Variants in ZCCHC14 observed in about 807,000 individuals in gnomAD.
ZCCHC14 encodes zinc finger CCHC domain-containing protein 14.
A neutral mutation model predicts 85.0 loss-of-function variants in ZCCHC14; 16 were observed. That is an observed-to-expected ratio of 0.19 (90% CI 0.13 to 0.29). ZCCHC14 has a LOEUF of 0.29. Among genes scored for constraint, ZCCHC14 ranks in the 10% least tolerant of loss-of-function variants. ZCCHC14 has a pLI of 1.00. For missense variants in ZCCHC14, 1,303 were observed against 1,443.5 expected (o/e 0.90, Z 1.58); for synonymous variants, 775 against 630.7 (o/e 1.23, Z -3.43).
At chr16:87,416,956 G>A (rs1023144001) in intron 8 of ZCCHC14, among the ~76,000 whole-genome samples, 2 of 152,064 alleles carry the variant, frequency 1.3e-5, no homozygotes, top group Non-Finnish European at 2.9e-5. Flanking sequence ...ACCTTGTATG[G>A]GTTTAATCTA....
intron 1 of ZCCHC14, among the ~76,000 whole-genome samples, chr16:87,464,496 C>T (rs1251357338): frequency 6.6e-6 from 1 of 152,154 alleles, no homozygotes; most frequent in Admixed American, 6.5e-5. Context: ...AGTCTTTTCC[C>T]CACGCAGACA....
chr16:87,435,343 T>C (rs550170545), intron 2 of ZCCHC14, among the ~76,000 whole-genome samples: 127 of 152,340 alleles, frequency 8.3e-4, no homozygotes, highest in African/African-American at 3.0e-3. Flanking sequence ...GGGAGGCTAG[T>C]GGCTGCCACG....
In ZCCHC14 at chr16:87,411,696, C is replaced by T. The variant is rs550680890; in HGVS notation, c.3025G>A (p.Val1009Met). 39 of 1,614,044 alleles carry T rather than the reference C, an allele frequency of 2.4e-5. No individual in the cohort carries two copies. The highest frequency in any genetic ancestry group is 1.2e-4 in the South Asian group (11 of 91,086). Reference protein sequence around the residue: ...PVLSGQSTFAVPPMQNFMAGT... With the variant: ...PVLSGQSTFAMPPMQNFMAGT... ...GCCATGAAGTTCTGCATGGGTGGCA[C>T]GGCAAACGTGGACTGCCCACTCAGG... The change falls in exon 12 of 13, where the codon GTG becomes ATG. Residue 1009 changes from valine (V) to methionine (M), a missense_variant. Transcript: ENST00000671377.
chr16:87,475,181 G>C (rs1033874761), intron 1 of ZCCHC14, among the ~76,000 whole-genome samples: 1 of 152,214 alleles, frequency 6.6e-6, no homozygotes, highest in African/African-American at 2.4e-5. Flanking sequence ...ACGGGGCTCA[G>C]GAACAGAAAG....
chr16:87,421,835 A>C (rs1219158777), intron 4 of ZCCHC14, among the ~76,000 whole-genome samples: 2 of 152,014 alleles, frequency 1.3e-5, no homozygotes, highest in Non-Finnish European at 2.9e-5. Flanking sequence ...CTGGCAGAAG[A>C]GGTGTTGACC....
chr16:87,451,123 CTCCTG>C (rs1244868873), intron 2 of ZCCHC14, among the ~76,000 whole-genome samples: 3 of 151,562 alleles, frequency 2.0e-5, no homozygotes, highest in Non-Finnish European at 4.4e-5. Flanking sequence ...TGGTCTCAAA[CTCCTG>C]ACCTCAGGTG....
In ZCCHC14 at chr16:87,477,619, T is replaced by C. The variant is rs554930849; in HGVS notation, c.570+14050A>G. 3.0e-4 allele frequency among the ~76,000 whole-genome samples: 45 copies of C among 152,362 alleles called. 1 individual carries two copies. In the South Asian group the frequency reaches 8.5e-3, roughly 29 times the overall value. On this transcript the variant is annotated intron_variant, in intron 1 of 12. Transcript: ENST00000671377. The stretch of plus-strand genomic sequence containing the variant: ...AATGTCGTCTTTGTCAAATTATTTA[T>C]ACTTAACCCCTCTGTGTCTGTTTTC...
In ZCCHC14 at chr16:87,492,747, CCGGGCCG is replaced by C. The variant is rs1912832122; in HGVS notation, c.-516_-510del. The stretch of plus-strand genomic sequence containing the variant: ...GCCTCCGCCCAGGCCGGCCGTTACC[CCGGGCCG>C]CGGGCGCGGCGTCGCCGCCTGGGGA... On this transcript the variant is annotated 5_prime_UTR_variant, in exon 1 of 13. Coordinates refer to ENST00000671377, the MANE Select transcript of ZCCHC14 (RefSeq NM_015144.3). This position sits in a 1 kb window ranked among gnomAD's most constrained non-coding sequence, Gnocchi z 6.7. 6.8e-6 allele frequency: 1 copy of C among 146,630 alleles called. No homozygotes were observed. The highest frequency in any genetic ancestry group is 2.4e-5 in the African/African-American group (1 of 40,866). The allele number at this position is 146,630 out of a possible 1,614,324, so 9.1% of individuals were successfully genotyped here.
At chr16:87,478,457 C>A (rs145518094) in intron 1 of ZCCHC14, among the ~76,000 whole-genome samples, 2,706 of 152,286 alleles carry the variant, frequency 0.018, 99 homozygotes, top group African/African-American at 0.062. Flanking sequence ...ATGAAAGATA[C>A]TCTACCAGGA....
rs1195659622 is a variant in ZCCHC14 at position 87,411,688 on chromosome 16, G to A, written c.3033C>T (p.Pro1011=). The change falls in exon 12 of 13, where the codon CCC becomes CCT. Residue 1011 remains proline (P), a synonymous_variant. Transcript: ENST00000671377. ...CTGTCCCTGCCATGAAGTTCTGCATGGGTGGCACGGCAAACGTGGACTGCC... is the reference window on the plus strand; with the variant it reads ...CTGTCCCTGCCATGAAGTTCTGCATAGGTGGCACGGCAAACGTGGACTGCC... ...LSGQSTFAVP[P]MQNFMAGTAG... 1.2e-6 allele frequency: 2 copies of A among 1,614,114 alleles called. No individual in the cohort carries two copies. The highest frequency in any genetic ancestry group is 8.5e-7 in the Non-Finnish European group (1 of 1,179,986).
At chr16:87,435,584 G>A (rs113307523) in intron 2 of ZCCHC14, among the ~76,000 whole-genome samples, 10,958 of 152,288 alleles carry the variant, frequency 0.072, 1,321 homozygotes, top group African/African-American at 0.25. Context: ...ATCCTCGCTC[G>A]CTCCCCAGCG....
At position 87,412,401 on chromosome 16, in the gene ZCCHC14, T is replaced by C. The variant is rs780417986; in HGVS notation, c.2320A>G (p.Ile774Val). The change falls in exon 12 of 13, where the codon ATC (isoleucine) becomes GTC (valine). Residue 774 changes from isoleucine to valine, a missense_variant. Around this residue, in one of 7 missense-constraint regions of ZCCHC14, gnomAD observed 797 missense variants for 730.8 expected, o/e 1.09. Transcript: ENST00000671377. Reference sequence around the variant, plus strand: ...ACAGATGACGACAGCAGCAGTTTGATGGGCGGACGGGCGGCGTGGAGGACT... The same window carrying C: ...ACAGATGACGACAGCAGCAGTTTGACGGGCGGACGGGCGGCGTGGAGGACT... ...STVLHAARPP[I>V]KLLLSSSVPA... The C allele has an allele frequency of 6.2e-7, 1 of 1,614,058 alleles. No homozygotes were observed. The highest frequency in any genetic ancestry group is 1.7e-5 in the Admixed American group (1 of 60,012).
chr16:87,470,539 C>G (rs1290693643), intron 1 of ZCCHC14: 1 of 152,150 alleles, frequency 6.6e-6, no homozygotes, highest in Non-Finnish European at 1.5e-5. Context: ...CCATCTGTAG[C>G]TTTTCACCCA....
At chr16:87,455,351 G>C (rs1233169147) in intron 2 of ZCCHC14, among the ~76,000 whole-genome samples, 1 of 151,688 alleles carries the variant, frequency 6.6e-6, no homozygotes, top group Non-Finnish European at 1.5e-5. Context: ...GATACCATGA[G>C]CTGGCCTCGG....
rs1404523628 is a variant in ZCCHC14, at chr16:87,492,488, C to CGGGGCGGCCG, written c.-260_-251dup. On this transcript the variant is annotated 5_prime_UTR_variant, in exon 1 of 13. Transcript: ENST00000671377. The surrounding 1 kb of genome is among the most constrained non-coding windows in gnomAD (Gnocchi z 6.7). ...GGGCGCCGGGGGGGCCCGGGGCGGC[C>CGGGGCGGCCG]GGGGCGGCCGGGGGCGGCGAGCGGC... 6.9e-6 allele frequency: 1 copy of CGGGGCGGCCG among 144,600 alleles called. No homozygotes were observed. Among genetic ancestry groups the CGGGGCGGCCG allele is most frequent in the Non-Finnish European group, 1.5e-5 (1 of 65,296 alleles). 9.0% of individuals were successfully genotyped at this position (144,600 alleles called of 1,614,324 possible).
Position 87,412,331 on chromosome 16 carries a change from T to A in ZCCHC14, c.2390A>T (p.Asn797Ile). The A allele has an allele frequency of 6.2e-7, 1 of 1,614,058 alleles. No homozygotes were observed. Among genetic ancestry groups the A allele is most frequent in the Non-Finnish European group, 8.5e-7 (1 of 1,180,030 alleles). The change falls in exon 12 of 13, where the codon AAT (asparagine) becomes ATT (isoleucine). Residue 797 changes from asparagine (N) to isoleucine (I), a missense_variant. Asn to Ile is a moderately radical substitution (Grantham distance 149, BLOSUM62 -3). This residue lies in a region of ZCCHC14 where 797 missense variants were observed against 730.8 expected (regional missense o/e 1.09). Transcript: ENST00000671377. ...AISGQTSCPNNVQISVPPAII... is the reference protein window; with the variant it reads ...AISGQTSCPNIVQISVPPAII... ...TGCAGGGGGCACACTTATTTGCACA[T>A]TATTAGGACAGGAAGTTTGCCCAGA...
intron 1 of ZCCHC14, chr16:87,473,429 C>T (rs1911865953): frequency 6.6e-6 from 1 of 152,244 alleles, no homozygotes; most frequent in Non-Finnish European, 1.5e-5. Context: ...TCTCAAACTC[C>T]TGACCTTAGG....
chr16:87,484,516 G>A (rs1912426288), intron 1 of ZCCHC14, among the ~76,000 whole-genome samples: 2 of 152,238 alleles, frequency 1.3e-5, no homozygotes, highest in Non-Finnish European at 2.9e-5. Context: ...ACAGCATGAA[G>A]AACAGCATGT....
intron 5 of ZCCHC14, 56 bp from the exon 6 acceptor site, chr16:87,419,933 T>C (rs958673466): frequency 3.7e-5 from 55 of 1,466,994 alleles, no homozygotes; most frequent in African/African-American, 3.4e-4. Flanking sequence ...TGCTGACGAA[T>C]TGAAAGAAAA....
Sources: gnomAD v4.1 joint callset for allele counts (sites outside exome capture counted in the v4.1 genomes callset) on GRCh38, gnomAD v4.1.1 for gene constraint, gnomAD v4.1.1 regional missense constraint, Gnocchi (gnomAD v3.1) non-coding constraint, MANE v1.5 for transcripts, NCBI Gene and HGNC (gene_info 2026-07-23, HGNC 2026-07-21) for gene names.